Variants in PLCH2 observed in about 807,000 individuals in gnomAD.
PLCH2 encodes 1-phosphatidylinositol 4,5-bisphosphate phosphodiesterase eta-2.
A neutral mutation model predicts 134.7 loss-of-function variants in PLCH2; 98 were observed. That is an observed-to-expected ratio of 0.73 (90% CI 0.62 to 0.86). The LOEUF is 0.86. Ranked by LOEUF, PLCH2 falls within the 40% of genes least tolerant of loss-of-function variation. The pLI, the probability that PLCH2 is intolerant of heterozygous loss-of-function variation, is 0.00. For synonymous variants in PLCH2, 974 were observed against 827.5 expected (o/e 1.18, Z -3.04); for missense variants, 1,994 against 1,986.6 (o/e 1.00, Z -0.07).
chr1:2,419,992 T>A, the PLCH2 span, among the ~76,000 whole-genome samples: 1 of 126,606 alleles, frequency 7.9e-6, no homozygotes, highest in Non-Finnish European at 1.7e-5. Flanking sequence ...AACCCCTTTG[T>A]GCGCTCCCCC....
chr1:2,465,106 C>G (rs1459591834), upstream of PLCH2, among the ~76,000 whole-genome samples: 1 of 152,146 alleles, frequency 6.6e-6, no homozygotes, highest in Non-Finnish European at 1.5e-5. Context: ...ATCAGCTCTG[C>G]CCACCTACAG....
At chr1:2,426,365 A>T (rs1638796280) in intron 1 of PLCH2, among the ~76,000 whole-genome samples, 1 of 152,148 alleles carries the variant, frequency 6.6e-6, no homozygotes, top group Non-Finnish European at 1.5e-5. Flanking sequence ...ACCTGGCACT[A>T]AGCTTCCCCT....
chr1:2,465,525 T>C (rs967083586), upstream of PLCH2, among the ~76,000 whole-genome samples: 16 of 152,050 alleles, frequency 1.1e-4, no homozygotes, highest in African/African-American at 3.6e-4. Context: ...AAAATTAAAC[T>C]CCCTGGGGCC....
At chr1:2,430,921 C>G (rs1475721921) in intron 2 of PLCH2, among the ~76,000 whole-genome samples, 1 of 152,204 alleles carries the variant, frequency 6.6e-6, no homozygotes, top group Non-Finnish European at 1.5e-5. Flanking sequence ...CTCTGCCCAC[C>G]TGCTGCACTG....
intron 10 of PLCH2, among the ~76,000 whole-genome samples, chr1:2,490,310 C>G (rs1392459462): frequency 6.6e-6 from 1 of 152,192 alleles, no homozygotes; most frequent in African/African-American, 2.4e-5. Flanking sequence ...GCCCAGCCAC[C>G]CCCGTGGCCA....
intron 10 of PLCH2, 98 bp from the exon 11 acceptor site, chr1:2,491,094 C>A: frequency 8.2e-7 from 1 of 1,225,362 alleles, no homozygotes; most frequent in South Asian, 1.5e-5. Flanking sequence ...CTTCCCTGAG[C>A]CTGGGGTGGG....
In PLCH2 at chr1:2,504,399, C is replaced by T; in HGVS notation, c.3437C>T (p.Ser1146Phe). The T allele has an allele frequency of 1.9e-6, 3 of 1,612,572 alleles. No individual in the cohort carries two copies. Among genetic ancestry groups the T allele is most frequent in the Non-Finnish European group, 2.5e-6 (3 of 1,179,782 alleles). ...PCGHRDSVSS[S>F]SSMSSSDTVI... ...GGCCACCGAGACAGCGTTTCCTCCTCCTCCAGCATGTCATCCAGCGACACT... is the reference window on the plus strand; with the variant it reads ...GGCCACCGAGACAGCGTTTCCTCCTTCTCCAGCATGTCATCCAGCGACACT... Residue 1146 changes from serine (S) to phenylalanine (F), a missense_variant, in exon 22 of 22, where the codon TCC (serine) becomes TTC (phenylalanine). By Grantham distance (155) the Ser-to-Phe change is radical (BLOSUM62 -2). Transcript: ENST00000378486.
chr1:2,494,837 G>T lies in PLCH2; in HGVS notation c.1660-19G>T. ...TCAAGGCTAGACTCACCTTGTCCCT[G>T]TCTCTCCCCTGGACTCAGAGCAAGG... On this transcript the variant is annotated intron_variant, in intron 11 of 21. Coordinates refer to ENST00000378486, the MANE Select transcript of PLCH2 (RefSeq NM_014638.4). 6.4e-7 allele frequency: 1 copy of T among 1,572,354 alleles called. No homozygotes were observed.
In PLCH2 at chr1:2,504,930, C is replaced by G. The variant is rs758895302; in HGVS notation, c.3968C>G (p.Pro1323Arg). The G allele has an allele frequency of 2.5e-6, 4 of 1,569,862 alleles. No homozygotes were observed. The South Asian group carries it at 4.6e-5, about 18-fold the overall frequency. ...ATCACGTCACCCACCAGCCTGGGCC[C>G]GGCTGGGGAGGGGGTGGCAGGGGGC... is the stretch of plus-strand genomic sequence containing the variant. ...GDITSPTSLG[P>R]AGEGVAGGPG... Residue 1323 changes from proline to arginine, a missense_variant, in exon 22 of 22, where the codon CCG (proline) becomes CGG (arginine). By Grantham distance (103) the Pro-to-Arg change is moderately radical. Coordinates refer to ENST00000378486, the MANE Select transcript of PLCH2 (RefSeq NM_014638.4).
rs996178613 is a variant in PLCH2 at position 2,432,557 on chromosome 1, G to A, written c.115+1928G>A. ...GAGAATGCAAATGACTGCTGGGCAC[G>A]TGGCCGGGCCCATGGCACAGGCTGG... On this transcript the variant is annotated intron_variant, in intron 2 of 3. Transcript: ENST00000609981. Among the ~76,000 whole-genome samples the A allele has an allele frequency of 2.6e-5, 4 of 152,212 alleles. No individual in the cohort carries two copies. In the South Asian group the frequency reaches 8.3e-4, roughly 31 times the overall value.
upstream of PLCH2, among the ~76,000 whole-genome samples, chr1:2,472,817 C>T (rs2494626): frequency 0.35 from 53,570 of 151,992 alleles, 10,251 homozygotes; most frequent in African/African-American, 0.5. Context: ...CGTACACGCT[C>T]GTGAAGGGAA....
At chr1:2,437,094 C>T (rs1430317461) in intron 2 of PLCH2, among the ~76,000 whole-genome samples, 1 of 152,202 alleles carries the variant, frequency 6.6e-6, no homozygotes, top group East Asian at 1.9e-4. Context: ...GCAGGGCAGC[C>T]CCCATGGGTC....
Position 2,428,789 on chromosome 1 carries a change from G to C in PLCH2, c.-177-1549G>C, listed in dbSNP as rs180974245. 1.4e-3 allele frequency among the ~76,000 whole-genome samples: 218 copies of C among 152,370 alleles called. 1 individual carries two copies. The highest frequency in any genetic ancestry group is 4.9e-3 in the African/African-American group (205 of 41,594). On this transcript the variant is annotated intron_variant, in intron 1 of 3. Coordinates refer to the PLCH2 transcript ENST00000609981. ...GCTGAGGGGCTGAGTGCTCATTCCA[G>C]CCGCCTCGGGGAACCCGGGCTGGGA...
At chr1:2,434,371 C>A (rs1024829211) in intron 2 of PLCH2, among the ~76,000 whole-genome samples, 1 of 152,170 alleles carries the variant, frequency 6.6e-6, no homozygotes, top group Admixed American at 6.5e-5. Context: ...CCGTGGGGCC[C>A]CTTCTCTCCC....
chr1:2,423,383 G>A (rs530357700), upstream of PLCH2, among the ~76,000 whole-genome samples: 201 of 152,256 alleles, frequency 1.3e-3, 1 homozygote, highest in Non-Finnish European at 2.2e-3. Flanking sequence ...ATCTTGCTCT[G>A]TTGTCCCTGC....
chr1:2,454,720 T>C (rs2100566867), intron 2 of PLCH2, among the ~76,000 whole-genome samples: 1 of 152,272 alleles, frequency 6.6e-6, no homozygotes, highest in East Asian at 1.9e-4. Context: ...CCGGGAATGG[T>C]GGCTTCCCTG....
chr1:2,499,511 C>T (rs1643093443), intron 19 of PLCH2, 130 bp from the exon 20 acceptor site: 5 of 752,828 alleles, frequency 6.6e-6, no homozygotes, highest in African/African-American at 1.7e-5. Context: ...CCACAGGAGG[C>T]AGAGGCCCCA....
chr1:2,482,704 G>T (rs935241654), intron 4 of PLCH2, among the ~76,000 whole-genome samples: 1 of 152,138 alleles, frequency 6.6e-6, no homozygotes, highest in Non-Finnish European at 1.5e-5. Flanking sequence ...GCTCAGAGGG[G>T]ATCCCAGGGG....
rs1284377472 is a variant in PLCH2 at position 2,444,175 on chromosome 1, AT to A, written c.115+13547del. Among the ~76,000 whole-genome samples the A allele has an allele frequency of 6.6e-6, 1 of 152,112 alleles. No individual in the cohort carries two copies. Among genetic ancestry groups the A allele is most frequent in the Non-Finnish European group, 1.5e-5 (1 of 68,006 alleles). ...GGCGGAGCGGTCTTGAGCTCTCCGG[AT>A]GGCCTCAGGTGCGGGGTGAGGGATC... On this transcript the variant is annotated intron_variant, in intron 2 of 3. Transcript: ENST00000609981. The surrounding 1 kb of genome is among the most constrained non-coding windows in gnomAD (Gnocchi z 4.6).
Sources: gnomAD v4.1 joint callset for allele counts (sites outside exome capture counted in the v4.1 genomes callset) on GRCh38, gnomAD v4.1.1 for gene constraint, Gnocchi (gnomAD v3.1) non-coding constraint, MANE v1.5 for transcripts, NCBI Gene and HGNC (gene_info 2026-07-23, HGNC 2026-07-21) for gene names.